ASZ1: variants seen among roughly 807,000 people sequenced by gnomAD.
ASZ1 encodes the protein ankyrin repeat, SAM and basic leucine zipper domain-containing protein 1.
ASZ1 carries 67 observed loss-of-function variants against 61.8 expected under a neutral mutation model. The ratio of observed to expected loss-of-function variants is 1.08; its 90% confidence interval spans 0.89 to 1.33. The LOEUF (loss-of-function observed/expected upper bound fraction) is 1.33. Ranked by LOEUF, ASZ1 falls within the 40% of genes most tolerant of loss-of-function variation. The pLI is 0.00. For synonymous variants in ASZ1, 193 were observed against 192.7 expected (o/e 1.00, Z -0.01); for missense variants, 577 against 554.5 (o/e 1.04, Z -0.41).
At chr7:117,367,020 T>C (rs1795953778) in intron 12 of ASZ1, among the ~76,000 whole-genome samples, 1 of 152,222 alleles carries the variant, frequency 6.6e-6, no homozygotes, top group South Asian at 2.1e-4. Flanking sequence ...TTTAATAGTA[T>C]TTGGCACATC....
chr7:117,389,742 C>A (rs1295517857), intron 4 of ASZ1, among the ~76,000 whole-genome samples: 2 of 152,200 alleles, frequency 1.3e-5, no homozygotes, highest in East Asian at 1.9e-4. Context: ...CTTCTTAAAC[C>A]CCTTCATTTA....
chr7:117,410,338 T>C (rs1796866411), intron 4 of ASZ1, among the ~76,000 whole-genome samples: 1 of 151,768 alleles, frequency 6.6e-6, no homozygotes, highest in Non-Finnish European at 1.5e-5. Flanking sequence ...ATGAAGCTTA[T>C]AGTAACAGGA....
intron 4 of ASZ1, among the ~76,000 whole-genome samples, chr7:117,408,829 G>A (rs1194875697): frequency 2.6e-5 from 4 of 152,086 alleles, no homozygotes; most frequent in Non-Finnish European, 5.9e-5. Context: ...TGCCTTCTGG[G>A]TTCAGGGGAT....
At position 117,383,047 on chromosome 7, in the gene ASZ1, C is replaced by A. The variant is rs1283105175; in HGVS notation, c.751G>T (p.Glu251Ter). The part of the protein sequence containing the change: ...LEGKLQQLTK[E>*]DTICKILTTD... ...GTCAATATTTTACAAATAGTGTCTT[C>A]TTTAGTTAGCTGTTGAAGTTTTCCT... is the stretch of plus-strand genomic sequence containing the variant. The change falls in exon 7 of 13, where the codon GAA becomes TAA. Residue 251 changes from glutamate to a stop codon, truncating the protein, a stop_gained. Transcript: ENST00000284629. LOFTEE classifies it high-confidence loss of function. The A allele has an allele frequency of 6.3e-7, 1 of 1,587,148 alleles. No homozygotes were observed.
intron 10 of ASZ1, among the ~76,000 whole-genome samples, chr7:117,374,917 G>C (rs989763977): frequency 3.3e-5 from 5 of 151,988 alleles, no homozygotes; most frequent in Non-Finnish European, 7.4e-5. Context: ...AGTTTCCTAA[G>C]CAATAAAAGA....
intron 4 of ASZ1, among the ~76,000 whole-genome samples, chr7:117,417,201 T>G (rs941065995): frequency 1.4e-4 from 22 of 152,150 alleles, no homozygotes; most frequent in African/African-American, 5.3e-4. Flanking sequence ...AAAAAAAAGT[T>G]AGAAGCCAAC....
At chr7:117,364,384 T>C (rs1584713356) in intron 12 of ASZ1, among the ~76,000 whole-genome samples, 1 of 150,910 alleles carries the variant, frequency 6.6e-6, no homozygotes, top group East Asian at 2.0e-4. Flanking sequence ...TCTGTGTGTA[T>C]CTGTGTGTGT....
At chr7:117,411,617 C>T (rs1296615706) in intron 4 of ASZ1, among the ~76,000 whole-genome samples, 1 of 151,810 alleles carries the variant, frequency 6.6e-6, no homozygotes, top group Non-Finnish European at 1.5e-5. Context: ...AGCAATTCTA[C>T]TTCTGGAAGT....
chr7:117,364,933 T>TA (rs1250659429), intron 12 of ASZ1, among the ~76,000 whole-genome samples: 1 of 152,020 alleles, frequency 6.6e-6, no homozygotes, highest in Non-Finnish European at 1.5e-5. Flanking sequence ...GATGTGGTGT[T>TA]AAAGTCTAGC....
At position 117,422,333 on chromosome 7, in the gene ASZ1, A is replaced by G. The variant is rs1225109495; in HGVS notation, c.232T>C (p.Tyr78His). 6.2e-7 allele frequency: 1 copy of G among 1,613,150 alleles called. No homozygotes were observed. Among genetic ancestry groups the G allele is most frequent in the African/African-American group, 1.3e-5 (1 of 74,864 alleles). The change falls in exon 3 of 13, where the codon TAT (tyrosine) becomes CAT (histidine). Residue 78 changes from tyrosine to histidine, a missense_variant. Coordinates refer to ENST00000284629, the MANE Select transcript of ASZ1 (RefSeq NM_130768.3). The stretch of plus-strand genomic sequence containing the variant: ...GCATACATAAGGGGAGTCCATCCAT[A>G]CTGAAAGTTGGAATCTACACTAATG... ...SGISVDSNFQYGWTPLMYAAS... is the reference protein window; with the variant it reads ...SGISVDSNFQHGWTPLMYAAS...
intron 1 of ASZ1, 122 bp from the exon 2 acceptor site, chr7:117,427,057 T>A (rs1358016031): frequency 5.5e-6 from 6 of 1,090,288 alleles, no homozygotes; most frequent in Non-Finnish European, 6.4e-6. Flanking sequence ...TTGACTAAGA[T>A]ACAAAGTTTG....
intron 4 of ASZ1, among the ~76,000 whole-genome samples, chr7:117,412,195 TC>T (rs1481583566): frequency 6.6e-6 from 1 of 151,700 alleles, no homozygotes; most frequent in Non-Finnish European, 1.5e-5. Flanking sequence ...ATTTCTTTAA[TC>T]AACAAAGACT....
chr7:117,365,690 C>G (rs913961904), intron 12 of ASZ1, among the ~76,000 whole-genome samples: 2 of 152,112 alleles, frequency 1.3e-5, no homozygotes, highest in African/African-American at 4.8e-5. Context: ...AGTTCCTTTC[C>G]TTTGATTCTT....
intron 10 of ASZ1, among the ~76,000 whole-genome samples, chr7:117,377,261 T>G (rs1044162296): frequency 6.6e-6 from 1 of 152,132 alleles, no homozygotes; most frequent in African/African-American, 2.4e-5. Context: ...AAATGGTGGG[T>G]CAGGTTTGTC....
At chr7:117,384,430 G>C (rs2116472591) in intron 6 of ASZ1, among the ~76,000 whole-genome samples, 1 of 152,144 alleles carries the variant, frequency 6.6e-6, no homozygotes, top group Admixed American at 6.5e-5. Context: ...TTCTGGACCA[G>C]TTTAAAATGT....
intron 12 of ASZ1, among the ~76,000 whole-genome samples, chr7:117,364,615 G>C (rs1211943290): frequency 6.6e-6 from 1 of 152,138 alleles, no homozygotes; most frequent in African/African-American, 2.4e-5. Context: ...TCCTGTGCTG[G>C]AGTGATGACA....
chr7:117,387,594 C>A (rs958805144), intron 4 of ASZ1, among the ~76,000 whole-genome samples: 1 of 152,148 alleles, frequency 6.6e-6, no homozygotes, highest in Non-Finnish European at 1.5e-5. Flanking sequence ...ATTCCAAGTA[C>A]AAGTCACCGG....
chr7:117,391,115 TTGTA>T (rs1339750671), intron 4 of ASZ1, among the ~76,000 whole-genome samples: 3 of 152,114 alleles, frequency 2.0e-5, no homozygotes, highest in Non-Finnish European at 4.4e-5. Context: ...TCTTGACTGC[TTGTA>T]TGTCTTTTTT....
chr7:117,382,224 G>A, intron 7 of ASZ1, 80 bp from the exon 8 acceptor site: 2 of 853,362 alleles, frequency 2.3e-6, no homozygotes, highest in South Asian at 3.0e-5. Context: ...TATTGCAAGA[G>A]AATATGAATA....
Sources: allele counts gnomAD v4.1 joint callset (sites outside exome capture counted in the v4.1 genomes callset), GRCh38; gene constraint gnomAD v4.1.1; transcripts MANE v1.5; gene names NCBI Gene and HGNC (gene_info 2026-07-23, HGNC 2026-07-21).